The following ADNP2 variants were observed in gnomAD, a reference collection of about 807,000 sequenced individuals.
ADNP2 encodes the protein ADNP homeobox 2.
ADNP2 carries 8 observed loss-of-function variants against 16.4 expected under a neutral mutation model. The observed-to-expected ratio is 0.49, with a 90% CI of 0.29 to 0.88. The LOEUF (loss-of-function observed/expected upper bound fraction) is 0.88, where lower values mean the gene tolerates loss of function less well. Among genes scored for constraint, ADNP2 ranks in the 40% least tolerant of loss-of-function variants. The probability of loss-of-function intolerance (pLI) is 0.09; values close to 1 mark genes in which losing one functional copy is unlikely to be tolerated. For synonymous variants in ADNP2, 637 were observed against 545.8 expected, an observed-to-expected ratio of 1.17 and a Z score of -2.33; for missense variants, 1,397 against 1,395.1, an observed-to-expected ratio of 1.00 and a Z score of -0.02.
At chr18:80,117,749 T>C (rs2052398839) in intron 2 of ADNP2, 99 bp downstream of exon 2, 4 of 840,090 alleles carry the variant, frequency 4.8e-6, no homozygotes, top group East Asian at 2.8e-5. Flanking sequence ...ATTGCTGTTA[T>C]ACTTCAGATG....
chr18:80,119,794 G>T (rs1258296472), intron 2 of ADNP2, among the ~76,000 whole-genome samples: 1 of 152,182 alleles, frequency 6.6e-6, no homozygotes, highest in African/African-American at 2.4e-5. Flanking sequence ...TCTGGGATGG[G>T]CGAGGGACCC....
rs1055111675 is a variant in ADNP2 at position 80,129,134 on chromosome 18, C to T, written c.109-3969C>T. 4.9e-4 allele frequency among the ~76,000 whole-genome samples: 67 copies of T among 135,730 alleles called. No homozygotes were observed. In the Middle Eastern group the frequency reaches 0.019, roughly 38 times the overall value. The allele number at this position is 135,730 out of a possible 152,430, so 89.0% of individuals were successfully genotyped here. Reference sequence around the variant, plus strand: ...TTTTTTTTTTTTTGAGATGGGGTCTCGCTCTGTCTTCCAGGCTGCAGTGCA... The same window carrying T: ...TTTTTTTTTTTTTGAGATGGGGTCTTGCTCTGTCTTCCAGGCTGCAGTGCA... On this transcript the variant is annotated intron_variant, in intron 2 of 3. Coordinates refer to ENST00000262198, the MANE Select transcript of ADNP2 (RefSeq NM_014913.4).
chr18:80,116,265 C>A (rs1369649682), intron 1 of ADNP2, among the ~76,000 whole-genome samples: 3 of 152,132 alleles, frequency 2.0e-5, no homozygotes, highest in Non-Finnish European at 2.9e-5. Flanking sequence ...ATCCAGTCAT[C>A]AGTTTATTTA....
chr18:80,124,665 C>T (rs1335168784), intron 2 of ADNP2, among the ~76,000 whole-genome samples: 3 of 152,148 alleles, frequency 2.0e-5, no homozygotes, highest in African/African-American at 7.2e-5. Flanking sequence ...TAACCTTCAG[C>T]CCTTCTCCCT....
chr18:80,125,359 A>C lies in ADNP2; in HGVS notation c.108+7709A>C, dbSNP rs1174220266. Reference sequence around the variant, plus strand: ...CAAGACTCTGTCTTTAAAATAATAAATAGGCCGGGGGCGGTGGCTCACGCC... The same window carrying C: ...CAAGACTCTGTCTTTAAAATAATAACTAGGCCGGGGGCGGTGGCTCACGCC... On this transcript the variant is annotated intron_variant, in intron 2 of 3. Transcript: ENST00000262198. Among the ~76,000 whole-genome samples the C allele has an allele frequency of 3.9e-4, 59 of 152,126 alleles. 1 individual carries two copies. Among genetic ancestry groups the C allele is most frequent in the Admixed American group, 6.5e-5 (1 of 15,272 alleles).
intron 2 of ADNP2, among the ~76,000 whole-genome samples, chr18:80,118,573 T>C (rs2052403841): frequency 6.6e-6 from 1 of 152,238 alleles, no homozygotes; most frequent in Admixed American, 6.5e-5. Flanking sequence ...CATGTCTCTT[T>C]AGTCTCCTTT....
At chr18:80,119,454 A>C (rs943878642) in intron 2 of ADNP2, among the ~76,000 whole-genome samples, 1 of 151,430 alleles carries the variant, frequency 6.6e-6, no homozygotes, top group Non-Finnish European at 1.5e-5. Context: ...CTGGAGAACC[A>C]ACCCTGTAGA....
chr18:80,134,401 G>GTA (rs1314829914), intron 3 of ADNP2, among the ~76,000 whole-genome samples: 2 of 141,978 alleles, frequency 1.4e-5, no homozygotes, highest in African/African-American at 4.9e-5. Flanking sequence ...GTGTGTGTGT[G>GTA]TGTGTGTGTG....
Position 80,137,333 on chromosome 18 carries a change from C to T in ADNP2, c.1920C>T (p.Pro640=), listed in dbSNP as rs956414380. The T allele has an allele frequency of 6.2e-7, 1 of 1,613,994 alleles. No homozygotes were observed. The highest frequency in any genetic ancestry group is 8.5e-7 in the Non-Finnish European group (1 of 1,179,924). The change falls in exon 4 of 4, where the codon CCC becomes CCT. Residue 640 remains proline (P), a synonymous_variant. Coordinates refer to ENST00000262198, the MANE Select transcript of ADNP2 (RefSeq NM_014913.4). This position sits in a 1 kb window ranked among gnomAD's most constrained non-coding sequence, Gnocchi z 4.2. ...CGACTGTCGCTCCGCCCCAGATGCC[C>T]ATCCAGCTCCTGCCGTCAGGTGCAG... ...GLATVAPPQM[P]IQLLPSGAAA...
chr18:80,130,626 TAC>T (rs1415413612), intron 2 of ADNP2, among the ~76,000 whole-genome samples: 2 of 152,212 alleles, frequency 1.3e-5, no homozygotes, highest in African/African-American at 2.4e-5. Flanking sequence ...CACTTTTTGA[TAC>T]AGTTTTATTT....
chr18:80,125,823 T>C (rs2052455062), intron 2 of ADNP2, among the ~76,000 whole-genome samples: 1 of 152,094 alleles, frequency 6.6e-6, no homozygotes, highest in Non-Finnish European at 1.5e-5. Context: ...AAAAAATTTT[T>C]TTAATTAAAA....
intron 2 of ADNP2, among the ~76,000 whole-genome samples, chr18:80,123,209 G>A (rs2052436364): frequency 6.6e-6 from 1 of 152,148 alleles, no homozygotes. Flanking sequence ...TTAATACACT[G>A]TTGAATTTGG....
At chr18:80,114,453 A>G (rs759331499) in intron 1 of ADNP2, among the ~76,000 whole-genome samples, 1 of 152,188 alleles carries the variant, frequency 6.6e-6, no homozygotes, top group Non-Finnish European at 1.5e-5. Context: ...AATAGTTGGC[A>G]GATTTTTAGG....
In ADNP2 at chr18:80,138,792, T is replaced by G; in HGVS notation, c.3379T>G (p.Phe1127Val). ...ELKNVKHRLN[F>V]EYEP is the part of the protein sequence containing the mutation. ...TAAAAATGTGAAACATAGATTGAACTTTGAATATGAACCATAAAACTTGCA... is the reference window on the plus strand; with the variant it reads ...TAAAAATGTGAAACATAGATTGAACGTTGAATATGAACCATAAAACTTGCA... The change falls in exon 4 of 4, where the codon TTT (phenylalanine) becomes GTT (valine). Residue 1127 changes from phenylalanine (F) to valine (V), a missense_variant. By Grantham distance (50) the Phe-to-Val change is conservative. This residue lies in a region of ADNP2 where 611 missense variants were observed against 648.7 expected (regional missense o/e 0.94). Transcript: ENST00000262198. The G allele has an allele frequency of 6.5e-7, 1 of 1,547,084 alleles. No individual in the cohort carries two copies. The highest frequency in any genetic ancestry group is 8.6e-7 in the Non-Finnish European group (1 of 1,156,660).
rs569005463 is a variant in ADNP2 at position 80,136,108 on chromosome 18, A to G, written c.695A>G (p.Tyr232Cys). The G allele has an allele frequency of 1.5e-5, 25 of 1,614,222 alleles. No homozygotes were observed. The highest frequency in any genetic ancestry group is 1.6e-4 in the Middle Eastern group (1 of 6,062). Residue 232 changes from tyrosine to cysteine, a missense_variant, in exon 4 of 4, where the codon TAT becomes TGT. Coordinates refer to ENST00000262198, the MANE Select transcript of ADNP2 (RefSeq NM_014913.4). ...ANASSQDALM[Y>C]HILTSDIHRD... Reference sequence around the variant, plus strand: ...GCCAGCAGCCAGGATGCGTTAATGTATCACATTTTGACATCAGACATACAC... The same window carrying G: ...GCCAGCAGCCAGGATGCGTTAATGTGTCACATTTTGACATCAGACATACAC...
chr18:80,117,727 C>A, intron 2 of ADNP2, 77 bp downstream of exon 2: 1 of 1,100,762 alleles, frequency 9.1e-7, no homozygotes, highest in Non-Finnish European at 1.3e-6. Context: ...GGTAAGATTC[C>A]TCAAAATGGA....
intron 2 of ADNP2, among the ~76,000 whole-genome samples, chr18:80,129,952 A>T (rs2052485419): frequency 6.6e-6 from 1 of 152,172 alleles, no homozygotes; most frequent in South Asian, 2.1e-4. Flanking sequence ...GTTTCTCTGA[A>T]ATATAGTGCC....
In ADNP2 at chr18:80,119,597, G is replaced by C. The variant is rs1456689380; in HGVS notation, c.108+1947G>C. On this transcript the variant is annotated intron_variant, in intron 2 of 3. Coordinates refer to ENST00000262198, the MANE Select transcript of ADNP2 (RefSeq NM_014913.4). ...GCACATGTGACTTCAATCTTAGCAA[G>C]AGTTAACACCTCCAATAGGAGGCTG... is the stretch of plus-strand genomic sequence containing the variant. Among the ~76,000 whole-genome samples, 3 of 152,276 alleles carry C rather than the reference G, an allele frequency of 2.0e-5. No homozygotes were observed. The East Asian group carries it at 5.8e-4, about 29-fold the overall frequency.
chr18:80,118,007 T>A lies in ADNP2; in HGVS notation c.108+357T>A, dbSNP rs187935951. Among the ~76,000 whole-genome samples the A allele has an allele frequency of 2.0e-4, 30 of 152,374 alleles. No homozygotes were observed. The East Asian group carries it at 4.6e-3, about 23-fold the overall frequency. On this transcript the variant is annotated intron_variant, in intron 2 of 3. Transcript: ENST00000262198. ...ATAAATGAAATGATAGGGTTTTTTT[T>A]AATCCTGATTTGTGTAGTTGTATAT... is the stretch of plus-strand genomic sequence containing the variant.
Sources: allele counts gnomAD v4.1 joint callset (sites outside exome capture counted in the v4.1 genomes callset), GRCh38; gene constraint gnomAD v4.1.1; regional missense constraint gnomAD v4.1.1; non-coding constraint Gnocchi (gnomAD v3.1); transcripts MANE v1.5; gene names NCBI Gene and HGNC (gene_info 2026-07-23, HGNC 2026-07-21).